Variants in URI1 observed in about 807,000 individuals in gnomAD.
URI1 encodes the protein URI1 prefoldin like chaperone, also known as unconventional prefoldin RPB5 interactor 1.
A neutral mutation model predicts 60.2 loss-of-function variants in URI1; 39 were observed. The observed-to-expected ratio is 0.65, with a 90% CI of 0.50 to 0.85. URI1 has a LOEUF of 0.85. Among genes scored for constraint, URI1 ranks in the 40% least tolerant of loss-of-function variants. The pLI, the probability that URI1 is intolerant of heterozygous loss-of-function variation, is 0.00. For missense variants in URI1, 691 were observed against 665.9 expected (o/e 1.04, Z -0.42); for synonymous variants, 251 against 236.8 (o/e 1.06, Z -0.55).
At position 30,011,098 on chromosome 19, in the gene URI1, G is replaced by A. The variant is rs1488720868; in HGVS notation, c.1040G>A (p.Arg347Gln). ...FSHTVEPKRV[R>Q]INTGKNTTLK... ...TTTCTTGCTCTGAAATTTTAGGTCC[G>A]AATAAATACTGGAAAGAATACCACT... The change falls in exon 9 of 11, where the codon CGA becomes CAA. Residue 347 changes from arginine to glutamine, a missense_variant. Arg to Gln is a conservative substitution (Grantham distance 43). Transcript: ENST00000392271. 3.7e-6 allele frequency: 6 copies of A among 1,602,428 alleles called. No homozygotes were observed. Among genetic ancestry groups the A allele is most frequent in the Middle Eastern group, 1.7e-4 (1 of 6,042 alleles).
intron 1 of URI1, among the ~76,000 whole-genome samples, chr19:29,934,691 A>C (rs1391008789): frequency 6.6e-6 from 1 of 152,092 alleles, no homozygotes; most frequent in Non-Finnish European, 1.5e-5. Flanking sequence ...ATGTGCCACC[A>C]AACCTGGCTT....
rs141331792 is a variant in URI1, at chr19:29,946,680, G to T, written c.117+4016G>T. The stretch of plus-strand genomic sequence containing the variant: ...AACAGCTAATTTAACTTAATGGAGG[G>T]TTTTCATATTTCTTGTGATAAACTA... On this transcript the variant is annotated intron_variant, in intron 1 of 10. Coordinates refer to ENST00000392271, the MANE Select transcript of URI1 (RefSeq NM_003796.3). Among the ~76,000 whole-genome samples, 514 of 152,226 alleles carry T rather than the reference G, an allele frequency of 3.4e-3. 5 individuals carry two copies. Among genetic ancestry groups the T allele is most frequent in the African/African-American group, 0.012 (498 of 41,542 alleles).
At chr19:30,007,348 A>G in intron 6 of URI1, 122 bp from the exon 7 acceptor site, 10 of 1,112,568 alleles carry the variant, frequency 9.0e-6, no homozygotes, top group Non-Finnish European at 1.3e-5. Context: ...TGTTTGGCTT[A>G]AAAATTGTGA....
chr19:30,012,546 C>A lies in URI1; in HGVS notation c.1425+15C>A. ...TAACACCTGAGGTGTGTGTGTGTATCTTTTAATTCTTTATTTCATATAGTA... is the reference window on the plus strand; with the variant it reads ...TAACACCTGAGGTGTGTGTGTGTATATTTTAATTCTTTATTTCATATAGTA... On this transcript the variant is annotated intron_variant, in intron 10 of 10. Coordinates refer to ENST00000392271, the MANE Select transcript of URI1 (RefSeq NM_003796.3). 7.5e-6 allele frequency: 12 copies of A among 1,607,322 alleles called. No homozygotes were observed. The highest frequency in any genetic ancestry group is 1.0e-5 in the Non-Finnish European group (12 of 1,176,420).
In URI1 at chr19:29,957,177, A is replaced by G. The variant is rs575844762; in HGVS notation, c.118-14016A>G. 7.2e-5 allele frequency among the ~76,000 whole-genome samples: 11 copies of G among 152,210 alleles called. No homozygotes were observed. The South Asian group carries it at 1.5e-3, about 20-fold the overall frequency. On this transcript the variant is annotated intron_variant, in intron 1 of 10. Coordinates refer to ENST00000392271, the MANE Select transcript of URI1 (RefSeq NM_003796.3). ...TTCCAAGTTTCTGTTGACATCTGCA[A>G]CTTTTCTTCTGTTTTCATGAATGTA...
rs1279988033 is a variant in URI1 at position 29,992,729 on chromosome 19, G to A, written c.367+6312G>A. Among the ~76,000 whole-genome samples, 5 of 152,166 alleles carry A rather than the reference G, an allele frequency of 3.3e-5. No homozygotes were observed. In the East Asian group the frequency reaches 9.6e-4, roughly 29 times the overall value. The stretch of plus-strand genomic sequence containing the variant: ...TAGAGAGCAATTTTTGGCTTAGAAA[G>A]GAGTACATCTTCAATGAGACTAAGT... On this transcript the variant is annotated intron_variant, in intron 4 of 10. Coordinates refer to ENST00000392271, the MANE Select transcript of URI1 (RefSeq NM_003796.3).
intron 1 of URI1, among the ~76,000 whole-genome samples, chr19:29,949,055 GC>G (rs1198129956): frequency 1.4e-4 from 20 of 138,772 alleles, no homozygotes; most frequent in Admixed American, 7.8e-4. Flanking sequence ...GGCGGGGGCT[GC>G]CCCCCGCCTC....
Position 30,005,428 on chromosome 19 carries a change from A to C in URI1, c.435A>C (p.Thr145=), listed in dbSNP as rs775102984. The C allele has an allele frequency of 1.2e-6, 2 of 1,601,910 alleles. No homozygotes were observed. The highest frequency in any genetic ancestry group is 1.7e-6 in the Non-Finnish European group (2 of 1,175,990). The change falls in exon 5 of 11, where the codon ACA becomes ACC. Residue 145 remains threonine, a synonymous_variant. Transcript: ENST00000392271. ...ATTTTGAATCCAGAGTTGAATTCAC[A>C]GAAGATTTGCAGAAAATGAGCGATG... The part of the protein sequence containing the change: ...MKNFESRVEF[T]EDLQKMSDAA...
In URI1 at chr19:30,011,917, A is replaced by G. The variant is rs1193452707; in HGVS notation, c.1179-368A>G. 1.1e-4 allele frequency among the ~76,000 whole-genome samples: 16 copies of G among 149,778 alleles called. No homozygotes were observed. The South Asian group carries it at 3.4e-3, about 32-fold the overall frequency. On this transcript the variant is annotated intron_variant, in intron 9 of 10. Coordinates refer to ENST00000392271, the MANE Select transcript of URI1 (RefSeq NM_003796.3). Reference sequence around the variant, plus strand: ...CTGTCATGGGGTGGGGGGAGGGGGGAAGGATAGCATTAGGAGATACACCTA... The same window carrying G: ...CTGTCATGGGGTGGGGGGAGGGGGGGAGGATAGCATTAGGAGATACACCTA...
chr19:29,930,483 G>T (rs900280959), intron 1 of URI1, among the ~76,000 whole-genome samples: 1 of 151,308 alleles, frequency 6.6e-6, no homozygotes, highest in Non-Finnish European at 1.5e-5. Flanking sequence ...TTTGCATGTG[G>T]ATATCCAGCT....
intron 3 of URI1, 122 bp downstream of exon 3, chr19:29,985,423 T>C (rs1795397319): frequency 2.9e-6 from 2 of 700,044 alleles, no homozygotes; most frequent in African/African-American, 3.6e-5. Flanking sequence ...GCAAGGAAGA[T>C]TTGTTTTGTT....
intron 1 of URI1, among the ~76,000 whole-genome samples, chr19:29,925,375 G>A (rs560492511): frequency 6.6e-6 from 1 of 152,168 alleles, no homozygotes; most frequent in African/African-American, 2.4e-5. Flanking sequence ...CTGGAGGCAG[G>A]GGGAGGCTGC....
chr19:29,959,226 G>T (rs334998), intron 1 of URI1, among the ~76,000 whole-genome samples: 13 of 152,088 alleles, frequency 8.5e-5, no homozygotes, highest in African/African-American at 3.1e-4. Context: ...CCAGGCTCAG[G>T]TGATCCTCTC....
chr19:29,990,562 A>C (rs2055734028), intron 4 of URI1, among the ~76,000 whole-genome samples: 1 of 152,244 alleles, frequency 6.6e-6, no homozygotes. Flanking sequence ...GTTGTTTGGC[A>C]ATAAAAAGAT....
rs758169937 is a variant in URI1 at position 30,009,403 on chromosome 19, G to A, written c.1035+50G>A. The A allele has an allele frequency of 2.1e-5, 31 of 1,474,886 alleles. No individual in the cohort carries two copies. In the South Asian group the frequency reaches 3.2e-4, roughly 15 times the overall value. 91.4% of individuals were successfully genotyped at this position (1,474,886 alleles called of 1,614,324 possible). A position where few individuals can be genotyped will look rare whatever the true frequency, so the allele number is the denominator to read the frequency against. On this transcript the variant is annotated intron_variant, in intron 8 of 10. Transcript: ENST00000392271. ...ATTTTGCATATAATTTGAACATTAA[G>A]CATTATGATATTTTTTAGAAGAGCA...
intron 1 of URI1, among the ~76,000 whole-genome samples, chr19:29,957,487 A>G (rs955976456): frequency 4.6e-5 from 7 of 151,900 alleles, no homozygotes; most frequent in African/African-American, 1.7e-4. Flanking sequence ...ATTCTGTTCC[A>G]TTGGATTATT....
At chr19:29,950,506 T>C (rs1251919060) in intron 1 of URI1, among the ~76,000 whole-genome samples, 1 of 152,216 alleles carries the variant, frequency 6.6e-6, no homozygotes, top group Non-Finnish European at 1.5e-5. Flanking sequence ...TGATGACCAC[T>C]GTTTAGAGTA....
At chr19:29,960,965 C>T (rs1485669832) in intron 1 of URI1, among the ~76,000 whole-genome samples, 2 of 151,962 alleles carry the variant, frequency 1.3e-5, no homozygotes, top group Non-Finnish European at 2.9e-5. Context: ...GTGATCCTGC[C>T]TGAGTCTCCT....
At chr19:30,011,060 A>G (rs2056011248) in intron 8 of URI1, 34 bp from the exon 9 acceptor site, 3 of 1,591,226 alleles carry the variant, frequency 1.9e-6, no homozygotes, top group African/African-American at 1.4e-5. Flanking sequence ...TTAATTTGTC[A>G]AAAGATTCTT....
Sources: gnomAD v4.1 joint callset for allele counts (sites outside exome capture counted in the v4.1 genomes callset) on GRCh38, gnomAD v4.1.1 for gene constraint, MANE v1.5 for transcripts, NCBI Gene and HGNC (gene_info 2026-07-23, HGNC 2026-07-21) for gene names.